COPB2: variants seen among roughly 807,000 people sequenced by gnomAD.
The protein encoded by COPB2 is coat protein complex I subunit beta 2, also known as coatomer subunit beta'.
A neutral mutation model predicts 120.8 loss-of-function variants in COPB2; 16 were observed. The observed-to-expected ratio is 0.13, with a 90% CI of 0.09 to 0.20. The LOEUF (loss-of-function observed/expected upper bound fraction) is 0.20. COPB2 is among the 10% of genes least tolerant of loss of function. The pLI, the probability that COPB2 is intolerant of heterozygous loss-of-function variation, is 1.00. For synonymous variants in COPB2, 332 were observed against 366.3 expected (o/e 0.91, Z 1.07); for missense variants, 794 against 1,076.5 (o/e 0.74, Z 3.67).
chr3:139,363,305 G>T (rs1224374850), intron 15 of COPB2, among the ~76,000 whole-genome samples: 1 of 152,186 alleles, frequency 6.6e-6, no homozygotes, highest in African/African-American at 2.4e-5. Context: ...GTGGGTGAGT[G>T]AGCATTACCG....
At chr3:139,365,961 G>A (rs1325807816) in intron 15 of COPB2, among the ~76,000 whole-genome samples, 1 of 152,116 alleles carries the variant, frequency 6.6e-6, no homozygotes, top group Non-Finnish European at 1.5e-5. Context: ...GCAGGGGAAT[G>A]AAAGAAGGCG....
At chr3:139,366,891 A>T (rs1941528222) in intron 14 of COPB2, 116 bp from the exon 15 acceptor site, 1 of 1,462,506 alleles carries the variant, frequency 6.8e-7, no homozygotes, top group Non-Finnish European at 9.3e-7. Context: ...AATTCTGGTT[A>T]ACAATAGGCA....
chr3:139,384,751 T>C (rs556205138), intron 1 of COPB2, among the ~76,000 whole-genome samples: 40 of 152,336 alleles, frequency 2.6e-4, no homozygotes, highest in African/African-American at 9.4e-4. Context: ...AAAATGACTT[T>C]TTAAAAAACT....
chr3:139,367,572 G>A (rs970850408), intron 13 of COPB2, among the ~76,000 whole-genome samples: 1 of 152,032 alleles, frequency 6.6e-6, no homozygotes, highest in African/African-American at 2.4e-5. Context: ...ATAGGTGTGA[G>A]CCACTGCACC....
intron 1 of COPB2, among the ~76,000 whole-genome samples, chr3:139,388,657 T>A (rs1357989740): frequency 2.7e-5 from 4 of 149,916 alleles, no homozygotes; most frequent in Middle Eastern, 3.4e-3. Context: ...AGACGGAGTC[T>A]TGCTCTGTCC....
At chr3:139,365,106 A>G (rs1375762670) in intron 15 of COPB2, among the ~76,000 whole-genome samples, 2 of 152,206 alleles carry the variant, frequency 1.3e-5, no homozygotes, top group African/African-American at 2.4e-5. Flanking sequence ...AACGAAGGAT[A>G]TCACCATAGA....
intron 4 of COPB2, among the ~76,000 whole-genome samples, chr3:139,378,493 T>A (rs1375515139): frequency 6.6e-6 from 1 of 152,214 alleles, no homozygotes; most frequent in African/African-American, 2.4e-5. Flanking sequence ...TAAGTTTGAC[T>A]AGATCTAAGC....
chr3:139,381,914 A>AC (rs1941822607), intron 2 of COPB2: 3 of 48,634 alleles, frequency 6.2e-5, no homozygotes, highest in Admixed American at 2.9e-4. Flanking sequence ...GCAAAAAAAA[A>AC]AAGTTATTTG....
intron 2 of COPB2, chr3:139,380,936 A>C (rs1941799575): frequency 6.6e-6 from 1 of 152,264 alleles, no homozygotes; most frequent in East Asian, 1.9e-4. Flanking sequence ...CAGAAGAAAT[A>C]GCCAAGGTTC....
Position 139,373,267 on chromosome 3 carries a change from T to G in COPB2, c.1040A>C (p.Asp347Ala). ...AGGGTATATTTCACAACTGCCCATA[T>G]CCTTTACTGCCAGTGGCAATCTTTC... is the stretch of plus-strand genomic sequence containing the variant. Reference protein sequence around the residue: ...DGERLPLAVKDMGSCEIYPQT... With the variant: ...DGERLPLAVKAMGSCEIYPQT... The change falls in exon 9 of 22, where the codon GAT becomes GCT. Residue 347 changes from aspartate (D) to alanine (A), a missense_variant. Around this residue, in one of 3 missense-constraint regions of COPB2, gnomAD observed 610 missense variants for 866.7 expected, o/e 0.70. Transcript: ENST00000333188. 2 of 1,614,124 alleles carry G rather than the reference T, an allele frequency of 1.2e-6. No individual in the cohort carries two copies. The highest frequency in any genetic ancestry group is 1.7e-6 in the Non-Finnish European group (2 of 1,179,994).
chr3:139,375,697 G>A (rs1012014933), intron 5 of COPB2, 83 bp from the exon 6 acceptor site: 1 of 1,438,276 alleles, frequency 7.0e-7, no homozygotes, highest in African/African-American at 1.4e-5. Flanking sequence ...GACACATTAT[G>A]TAAAATGCCA....
intron 1 of COPB2, 80 bp downstream of exon 1, chr3:139,389,468 C>A: frequency 1.4e-6 from 2 of 1,463,494 alleles, no homozygotes; most frequent in Non-Finnish European, 1.8e-6. Context: ...CCACTGCTTA[C>A]CGCGGCCCTC....
chr3:139,374,841 T>A (rs974578207), intron 6 of COPB2, among the ~76,000 whole-genome samples: 1 of 152,218 alleles, frequency 6.6e-6, no homozygotes, highest in Non-Finnish European at 1.5e-5. Flanking sequence ...AAGGCTTTTG[T>A]CTGAATATTA....
chr3:139,374,674 T>A (rs1941684316), intron 6 of COPB2, 86 bp from the exon 7 acceptor site: 1 of 973,670 alleles, frequency 1.0e-6, no homozygotes, highest in Admixed American at 2.4e-5. Flanking sequence ...ACAGATACAT[T>A]ATAAATGATA....
intron 8 of COPB2, 80 bp downstream of exon 8, chr3:139,373,586 T>C: frequency 6.3e-7 from 1 of 1,586,138 alleles, no homozygotes; most frequent in Non-Finnish European, 8.6e-7. Flanking sequence ...TAAAACTGGT[T>C]ACTTGGAAGA....
At position 139,362,399 on chromosome 3, in the gene COPB2, G is replaced by A; in HGVS notation, c.1995+8C>T. 2 of 1,587,828 alleles carry A rather than the reference G, an allele frequency of 1.3e-6. No individual in the cohort carries two copies. The highest frequency in any genetic ancestry group is 1.7e-6 in the Non-Finnish European group (2 of 1,159,548). On this transcript the variant is annotated splice_region_variant and intron_variant, in intron 16 of 21. Coordinates refer to ENST00000333188, the MANE Select transcript of COPB2 (RefSeq NM_004766.3). ...ATCAGTTATGAAAAATCATGAATTA[G>A]TACATACCTCTGCTTCCACTGCTAA...
At chr3:139,378,004 T>A in intron 5 of COPB2, 37 bp downstream of exon 5, 1 of 1,494,274 alleles carries the variant, frequency 6.7e-7, no homozygotes, top group Non-Finnish European at 9.1e-7. Context: ...TATAGTTCAC[T>A]AATAATGATA....
At chr3:139,385,027 C>T (rs1193115156) in intron 1 of COPB2, 2 of 152,158 alleles carry the variant, frequency 1.3e-5, no homozygotes, top group East Asian at 3.9e-4. Context: ...GAGACGAAGT[C>T]TCGCTCTGTC....
intron 2 of COPB2, 24 bp downstream of exon 2, chr3:139,383,274 A>G (rs1290255484): frequency 1.9e-6 from 3 of 1,611,864 alleles, no homozygotes; most frequent in Non-Finnish European, 2.5e-6. Flanking sequence ...TTTTATTTCT[A>G]ATACAGTCCT....
Sources: gnomAD v4.1 joint callset for allele counts (sites outside exome capture counted in the v4.1 genomes callset) on GRCh38, gnomAD v4.1.1 for gene constraint, gnomAD v4.1.1 regional missense constraint, MANE v1.5 for transcripts, NCBI Gene and HGNC (gene_info 2026-07-23, HGNC 2026-07-21) for gene names.